The following NAALADL2 variants were observed in gnomAD, a reference collection of about 807,000 sequenced individuals.
The protein encoded by NAALADL2 is inactive N-acetylated-alpha-linked acidic dipeptidase-like protein 2.
Under a neutral mutation model 87.2 loss-of-function variants are expected in NAALADL2, and 76 were observed. That is an observed-to-expected ratio of 0.87 (90% confidence interval 0.72 to 1.05). The LOEUF (loss-of-function observed/expected upper bound fraction) is 1.05, where lower values mean the gene tolerates loss of function less well. Ranked by LOEUF, NAALADL2 falls within the 50% of genes least tolerant of loss-of-function variation. The pLI is 0.00. For synonymous variants in NAALADL2, 354 were observed against 331.0 expected, an observed-to-expected ratio of 1.07 and a Z score of -0.75; for missense variants, 1,089 against 945.8, an observed-to-expected ratio of 1.15 and a Z score of -1.99.
intron 1 of NAALADL2, among the ~76,000 whole-genome samples, chr3:174,483,820 CAA>C (rs1717703264): frequency 6.6e-6 from 1 of 151,900 alleles, no homozygotes; most frequent in Non-Finnish European, 1.5e-5. Flanking sequence ...CATCAAAAGA[CAA>C]GAAGCACTTT....
At chr3:175,264,476 TTAA>T (rs1314147674) in intron 4 of NAALADL2, among the ~76,000 whole-genome samples, 1 of 151,838 alleles carries the variant, frequency 6.6e-6, no homozygotes, top group Non-Finnish European at 1.5e-5. Context: ...AATAATATAC[TTAA>T]TAAATCCATT....
intron 5 of NAALADL2, among the ~76,000 whole-genome samples, chr3:175,330,883 A>G (rs950766607): frequency 1.3e-5 from 2 of 152,124 alleles, no homozygotes; most frequent in Admixed American, 6.6e-5. Flanking sequence ...GTTTGAAAAG[A>G]TAAAATAGAT....
intron 1 of NAALADL2, among the ~76,000 whole-genome samples, chr3:175,093,544 A>C (rs1388041229): frequency 6.7e-6 from 1 of 148,186 alleles, no homozygotes; most frequent in East Asian, 1.9e-4. Flanking sequence ...TAATAATTTT[A>C]TATATGTATA....
At chr3:175,658,469 T>C in intron 11 of NAALADL2, among the ~76,000 whole-genome samples, 1 of 152,200 alleles carries the variant, frequency 6.6e-6, no homozygotes. Flanking sequence ...TTTTTTTCTG[T>C]TCAGCAGAGA....
At chr3:174,818,425 C>G (rs1186916660) in intron 3 of NAALADL2, among the ~76,000 whole-genome samples, 1 of 151,860 alleles carries the variant, frequency 6.6e-6, no homozygotes, top group African/African-American at 2.4e-5. Flanking sequence ...TGTCTTAGGG[C>G]CAGCTGGAAT....
In NAALADL2 at chr3:175,752,655, G is replaced by C. The variant is rs527785229; in HGVS notation, c.1991-2565G>C. 3.9e-5 allele frequency among the ~76,000 whole-genome samples: 6 copies of C among 152,116 alleles called. No homozygotes were observed. The South Asian group carries it at 8.3e-4, about 21-fold the overall frequency. Reference sequence around the variant, plus strand: ...GTGAGTGGCTAGTTTCCACTATCAGGGTCCTTTCTGGAGCTAGCCAGTTCC... The same window carrying C: ...GTGAGTGGCTAGTTTCCACTATCAGCGTCCTTTCTGGAGCTAGCCAGTTCC... On this transcript the variant is annotated intron_variant, in intron 12 of 13. Transcript: ENST00000454872.
intron 5 of NAALADL2, among the ~76,000 whole-genome samples, chr3:175,430,318 T>G (rs1461614201): frequency 6.6e-6 from 1 of 151,574 alleles, no homozygotes; most frequent in Non-Finnish European, 1.5e-5. Flanking sequence ...CATATACATA[T>G]ATACATGATT....
chr3:175,333,163 G>A (rs1456988099), intron 5 of NAALADL2, among the ~76,000 whole-genome samples: 1 of 152,140 alleles, frequency 6.6e-6, no homozygotes, highest in South Asian at 2.1e-4. Context: ...ACTAGTGGTA[G>A]CTTCAATGGG....
At chr3:175,307,110 C>T (rs77193471) in intron 4 of NAALADL2, among the ~76,000 whole-genome samples, 7,571 of 152,074 alleles carry the variant, frequency 0.05, 622 homozygotes, top group African/African-American at 0.17. Context: ...AACCAGTATT[C>T]TATTGTCACT....
intron 1 of NAALADL2, among the ~76,000 whole-genome samples, chr3:175,032,512 T>C (rs935954457): frequency 6.6e-6 from 1 of 152,040 alleles, no homozygotes; most frequent in Admixed American, 6.6e-5. Flanking sequence ...TACACAAGCA[T>C]TACCTATATA....
At chr3:174,543,983 G>A (rs1722496073) in intron 1 of NAALADL2, among the ~76,000 whole-genome samples, 1 of 150,978 alleles carries the variant, frequency 6.6e-6, no homozygotes, top group Non-Finnish European at 1.5e-5. Flanking sequence ...ACTCCAGCCT[G>A]GGTGACAAGA....
intron 5 of NAALADL2, among the ~76,000 whole-genome samples, chr3:175,328,701 T>G (rs888437887): frequency 2.6e-5 from 4 of 152,162 alleles, no homozygotes; most frequent in Non-Finnish European, 5.9e-5. Flanking sequence ...TGAGGTAAAT[T>G]GGGCATCCAA....
chr3:175,063,596 C>G (rs929300670), intron 1 of NAALADL2, among the ~76,000 whole-genome samples: 2 of 152,120 alleles, frequency 1.3e-5, no homozygotes, highest in African/African-American at 4.8e-5. Context: ...CTTGCCTTAG[C>G]CTCCCCAGTA....
intron 1 of NAALADL2, among the ~76,000 whole-genome samples, chr3:174,940,675 A>G (rs1458268223): frequency 6.6e-6 from 1 of 152,062 alleles, no homozygotes; most frequent in Admixed American, 6.6e-5. Flanking sequence ...GCTATTTATT[A>G]CTGATTCAAT....
intron 1 of NAALADL2, among the ~76,000 whole-genome samples, chr3:174,505,450 A>T (rs1326303362): frequency 6.6e-6 from 1 of 152,196 alleles, no homozygotes; most frequent in East Asian, 1.9e-4. Context: ...ATGCCAGAGA[A>T]GGTTTAAGAT....
At chr3:175,754,334 C>A (rs1433039978) in intron 12 of NAALADL2, among the ~76,000 whole-genome samples, 1 of 152,118 alleles carries the variant, frequency 6.6e-6, no homozygotes, top group Non-Finnish European at 1.5e-5. Context: ...GTTCAGCGGA[C>A]AACTATACTA....
intron 3 of NAALADL2, among the ~76,000 whole-genome samples, chr3:174,822,270 A>G (rs1480725514): frequency 1.3e-5 from 2 of 151,986 alleles, no homozygotes; most frequent in Admixed American, 6.6e-5. Context: ...AAGGTGATAA[A>G]CCCGACGGCC....
At chr3:174,846,267 T>C (rs1724604934) in intron 3 of NAALADL2, among the ~76,000 whole-genome samples, 1 of 152,236 alleles carries the variant, frequency 6.6e-6, no homozygotes, top group Non-Finnish European at 1.5e-5. Flanking sequence ...ACTAGGTTTC[T>C]GTGGTCCAGA....
chr3:175,789,357 C>T (rs1360096923), intron 13 of NAALADL2, among the ~76,000 whole-genome samples: 4 of 152,068 alleles, frequency 2.6e-5, no homozygotes, highest in Non-Finnish European at 5.9e-5. Context: ...TTGTATATGT[C>T]TTCTCTGTGT....
Sources: gnomAD v4.1 joint callset for allele counts (sites outside exome capture counted in the v4.1 genomes callset) on GRCh38, gnomAD v4.1.1 for gene constraint, MANE v1.5 for transcripts, NCBI Gene and HGNC (gene_info 2026-07-23, HGNC 2026-07-21) for gene names.